SULF1: variants seen among roughly 807,000 people sequenced by gnomAD.
The protein encoded by SULF1 is sulfatase 1.
In SULF1, 46 loss-of-function variants were observed where a neutral mutation model predicts 110.5. The observed-to-expected ratio is 0.42, with a 90% CI of 0.33 to 0.53. SULF1 has a LOEUF of 0.53. Among genes scored for constraint, SULF1 ranks in the 20% least tolerant of loss-of-function variants. The pLI is 0.12. For synonymous variants in SULF1, 371 were observed against 387.1 expected, an observed-to-expected ratio of 0.96 and a Z score of 0.49; for missense variants, 941 against 1,094.2, an observed-to-expected ratio of 0.86 and a Z score of 1.98.
At chr8:69,657,065 T>C (rs143700818) in intron 22 of SULF1, among the ~76,000 whole-genome samples, 1 of 152,288 alleles carries the variant, frequency 6.6e-6, no homozygotes, top group East Asian at 1.9e-4. Context: ...TTATGGTAAT[T>C]TGATATAGAT....
At chr8:69,648,293 A>T (rs1812086175) in intron 22 of SULF1, among the ~76,000 whole-genome samples, 1 of 152,208 alleles carries the variant, frequency 6.6e-6, no homozygotes, top group Admixed American at 6.5e-5. Context: ...TAGCTATATT[A>T]ATTAAAATAT....
At chr8:69,543,998 G>A (rs969767245) in intron 3 of SULF1, among the ~76,000 whole-genome samples, 1 of 152,224 alleles carries the variant, frequency 6.6e-6, no homozygotes, top group African/African-American at 2.4e-5. Flanking sequence ...GAGGATCATA[G>A]TCTAAACTAA....
intron 18 of SULF1, 121 bp from the exon 19 acceptor site, chr8:69,629,383 G>T (rs1226403212): frequency 9.9e-7 from 1 of 1,013,192 alleles, no homozygotes; most frequent in East Asian, 2.6e-5. Flanking sequence ...ACAAAATGAA[G>T]GTCGTCCATT....
At chr8:69,604,743 A>C in intron 12 of SULF1, 60 bp from the exon 13 acceptor site, 1 of 1,596,756 alleles carries the variant, frequency 6.3e-7, no homozygotes, top group South Asian at 1.1e-5. Flanking sequence ...AGGGGGCAGG[A>C]CTCAGGGACC....
intron 22 of SULF1, among the ~76,000 whole-genome samples, chr8:69,641,746 AAAATAAAT>A (rs1403257222): frequency 1.3e-5 from 2 of 151,974 alleles, no homozygotes; most frequent in South Asian, 4.2e-4. Flanking sequence ...CCTGTCTCTA[AAAATAAAT>A]AAATAAATAA....
chr8:69,601,085 C>T (rs977430396), intron 9 of SULF1, among the ~76,000 whole-genome samples: 1 of 152,162 alleles, frequency 6.6e-6, no homozygotes, highest in Non-Finnish European at 1.5e-5. Context: ...AGGGCCCCAT[C>T]TAAAGGAACA....
chr8:69,632,305 C>G (rs1430858248), intron 19 of SULF1, among the ~76,000 whole-genome samples: 1 of 151,994 alleles, frequency 6.6e-6, no homozygotes, highest in African/African-American at 2.4e-5. Context: ...AATTTTTTCC[C>G]AAAAAGCCAC....
chr8:69,643,880 T>C (rs1417766320), intron 22 of SULF1, among the ~76,000 whole-genome samples: 1 of 152,150 alleles, frequency 6.6e-6, no homozygotes, highest in Non-Finnish European at 1.5e-5. Context: ...TGTTGCAAAA[T>C]AGAGAAAAAT....
rs373927126 is a variant in SULF1, at chr8:69,548,731, G to A, written c.-133-14808G>A. Among the ~76,000 whole-genome samples the A allele has an allele frequency of 6.6e-5, 10 of 151,646 alleles. No individual in the cohort carries two copies. In the East Asian group the frequency reaches 1.5e-3, roughly 23 times the overall value. ...CCACCTTGGCCTCCCAAAGTGCTGG[G>A]ATTACAGGCATGAGCCACCGTGCCC... is the stretch of plus-strand genomic sequence containing the variant. On this transcript the variant is annotated intron_variant, in intron 3 of 22. Transcript: ENST00000402687.
chr8:69,561,345 C>T (rs1023828686), intron 3 of SULF1, among the ~76,000 whole-genome samples: 1 of 151,664 alleles, frequency 6.6e-6, no homozygotes, highest in Non-Finnish European at 1.5e-5. Flanking sequence ...TTTCATTCAC[C>T]AGAAAGGAAG....
chr8:69,555,528 A>G (rs906772560), intron 3 of SULF1, among the ~76,000 whole-genome samples: 5 of 152,070 alleles, frequency 3.3e-5, no homozygotes, highest in African/African-American at 9.7e-5. Context: ...GTGGTGGTGC[A>G]TACCTGTAAT....
intron 8 of SULF1, among the ~76,000 whole-genome samples, chr8:69,600,387 T>C (rs1807703087): frequency 6.6e-6 from 1 of 152,212 alleles, no homozygotes; most frequent in Non-Finnish European, 1.5e-5. Flanking sequence ...CATGGTTTTA[T>C]ATGTTTGAAT....
intron 13 of SULF1, among the ~76,000 whole-genome samples, chr8:69,609,306 A>C (rs1188228862): frequency 6.6e-6 from 1 of 152,182 alleles, no homozygotes; most frequent in African/African-American, 2.4e-5. Flanking sequence ...TGATCGTGCC[A>C]CTGCACCCCA....
intron 3 of SULF1, among the ~76,000 whole-genome samples, chr8:69,521,239 C>T (rs1563492168): frequency 6.6e-6 from 1 of 152,118 alleles, no homozygotes; most frequent in Non-Finnish European, 1.5e-5. Context: ...GCACCTACTA[C>T]ATGCAATGCC....
chr8:69,653,145 C>T (rs993863150), intron 22 of SULF1, among the ~76,000 whole-genome samples: 2 of 152,122 alleles, frequency 1.3e-5, no homozygotes, highest in Admixed American at 6.5e-5. Context: ...TCATGGCTCA[C>T]TGCAGCCTCA....
intron 3 of SULF1, among the ~76,000 whole-genome samples, chr8:69,536,466 GA>G (rs1281160326): frequency 6.6e-6 from 1 of 152,118 alleles, no homozygotes; most frequent in Admixed American, 6.5e-5. Context: ...CTATATATCA[GA>G]AGACATTTGG....
intron 1 of SULF1, among the ~76,000 whole-genome samples, chr8:69,484,101 C>A (rs1586201028): frequency 6.6e-6 from 1 of 152,280 alleles, no homozygotes; most frequent in East Asian, 1.9e-4. Flanking sequence ...TGACTCCATA[C>A]CCGCTACCAT....
chr8:69,502,680 C>CTTTCTTTTTCTTT (rs1810890406), intron 3 of SULF1, among the ~76,000 whole-genome samples: 8 of 116,454 alleles, frequency 6.9e-5, no homozygotes, highest in African/African-American at 6.8e-5. Flanking sequence ...TTTTCTTTTT[C>CTTTCTTTTTCTTT]TTTTTTTTTC....
Position 69,638,489 on chromosome 8 carries a change from T to C in SULF1, c.2285-13T>C. ...CTTTTTGTTTTGTTGTGTTTTTCTTTTTTACCCAACAGTGGGATCTTTCTG... is the reference window on the plus strand; with the variant it reads ...CTTTTTGTTTTGTTGTGTTTTTCTTCTTTACCCAACAGTGGGATCTTTCTG... On this transcript the variant is annotated splice_polypyrimidine_tract_variant and intron_variant, in intron 19 of 22. Coordinates refer to ENST00000402687, the MANE Select transcript of SULF1 (RefSeq NM_001128205.2). 1.2e-6 allele frequency: 2 copies of C among 1,607,422 alleles called. No homozygotes were observed. Among genetic ancestry groups the C allele is most frequent in the Non-Finnish European group, 1.7e-6 (2 of 1,178,688 alleles).
Sources: allele counts gnomAD v4.1 joint callset (sites outside exome capture counted in the v4.1 genomes callset), GRCh38; gene constraint gnomAD v4.1.1; transcripts MANE v1.5; gene names NCBI Gene and HGNC (gene_info 2026-07-23, HGNC 2026-07-21).